The following NELL1 variants were observed in gnomAD, a reference collection of about 807,000 sequenced individuals.
The protein encoded by NELL1 is neural EGFL like 1.
Under a neutral mutation model 107.4 loss-of-function variants are expected in NELL1, and 76 were observed. That is an observed-to-expected ratio of 0.71 (90% CI 0.59 to 0.86). NELL1 has a LOEUF of 0.86. Ranked by LOEUF, NELL1 falls within the 40% of genes least tolerant of loss-of-function variation. NELL1 has a pLI of 0.00. For synonymous variants in NELL1, 353 were observed against 341.2 expected (o/e 1.03, Z -0.38); for missense variants, 1,024 against 1,005.5 (o/e 1.02, Z -0.25).
intron 14 of NELL1, chr11:21,284,267 G>A (rs1402212303): frequency 1.1e-5 from 5 of 456,962 alleles, no homozygotes; most frequent in South Asian, 7.7e-5. Flanking sequence ...GCACAAAGAT[G>A]TAGACATCCT....
intron 15 of NELL1, among the ~76,000 whole-genome samples, chr11:21,435,150 T>G (rs956569366): frequency 6.6e-6 from 1 of 152,138 alleles, no homozygotes; most frequent in African/African-American, 2.4e-5. Context: ...TTTTCCAGTT[T>G]CCATGCACTG....
intron 15 of NELL1, among the ~76,000 whole-genome samples, chr11:21,432,880 T>C (rs964181767): frequency 2.6e-5 from 4 of 152,158 alleles, no homozygotes; most frequent in Non-Finnish European, 4.4e-5. Flanking sequence ...AAATTCTGTC[T>C]TCTGGCTTTT....
chr11:21,458,378 A>G (rs1183824252), intron 15 of NELL1, among the ~76,000 whole-genome samples: 2 of 152,170 alleles, frequency 1.3e-5, no homozygotes, highest in African/African-American at 4.8e-5. Context: ...TCCACCCTGT[A>G]GATATAATCA....
intron 3 of NELL1, 150 bp from the exon 4 acceptor site, chr11:20,847,433 T>C (rs1848719661): frequency 8.3e-6 from 6 of 725,314 alleles, no homozygotes; most frequent in Non-Finnish European, 1.3e-5. Flanking sequence ...TTGGGTGTCC[T>C]ACAGTGAATT....
chr11:21,453,907 A>G (rs1057422712), intron 15 of NELL1, among the ~76,000 whole-genome samples: 2 of 146,076 alleles, frequency 1.4e-5, no homozygotes, highest in African/African-American at 5.0e-5. Flanking sequence ...TAAGAACTTG[A>G]TCATAGGTTC....
intron 12 of NELL1, among the ~76,000 whole-genome samples, chr11:21,101,170 G>A (rs533765658): frequency 2.4e-4 from 37 of 152,050 alleles, no homozygotes; most frequent in Admixed American, 3.9e-4. Flanking sequence ...ACATGAACTC[G>A]TCATTTTTTA....
chr11:20,691,266 AC>A (rs1253159098), intron 2 of NELL1, among the ~76,000 whole-genome samples: 1 of 151,496 alleles, frequency 6.6e-6, no homozygotes, highest in East Asian at 1.9e-4. Context: ...CTAATTGAAT[AC>A]CCTTTATTTC....
At chr11:21,355,661 G>C (rs1253629899) in intron 14 of NELL1, among the ~76,000 whole-genome samples, 1 of 152,194 alleles carries the variant, frequency 6.6e-6, no homozygotes, top group Non-Finnish European at 1.5e-5. Flanking sequence ...TGACCACAAG[G>C]TTAGGATTAA....
intron 15 of NELL1, among the ~76,000 whole-genome samples, chr11:21,412,476 C>T (rs2105791): frequency 0.68 from 102,701 of 151,930 alleles, 34,828 homozygotes; most frequent in Middle Eastern, 0.73. Flanking sequence ...CTGAAACTTA[C>T]AGAAACTGAA....
intron 12 of NELL1, among the ~76,000 whole-genome samples, chr11:21,038,241 G>A (rs1853143504): frequency 6.6e-6 from 1 of 152,080 alleles, no homozygotes; most frequent in African/African-American, 2.4e-5. Context: ...TGTACAAAAG[G>A]CCTGGAAGAT....
At chr11:21,455,061 GTTCT>G (rs1434428864) in intron 15 of NELL1, among the ~76,000 whole-genome samples, 2 of 152,164 alleles carry the variant, frequency 1.3e-5, no homozygotes, top group Non-Finnish European at 2.9e-5. Context: ...AACTTTCAGT[GTTCT>G]TTAAGTGTGT....
At chr11:20,911,891 GA>G (rs1385022818) in intron 5 of NELL1, among the ~76,000 whole-genome samples, 1 of 152,128 alleles carries the variant, frequency 6.6e-6, no homozygotes, top group Admixed American at 6.6e-5. Flanking sequence ...TCTCATTACA[GA>G]AATTACCTCT....
chr11:21,416,341 C>T (rs1852519461), intron 15 of NELL1, among the ~76,000 whole-genome samples: 2 of 152,148 alleles, frequency 1.3e-5, no homozygotes. Flanking sequence ...GAGGCTGCCT[C>T]CTTAATAATT....
At chr11:20,713,400 G>A (rs990542815) in intron 2 of NELL1, among the ~76,000 whole-genome samples, 35 of 152,214 alleles carry the variant, frequency 2.3e-4, no homozygotes, top group African/African-American at 7.9e-4. Context: ...ATGTTTCAGA[G>A]GGGATTATGG....
At chr11:21,479,984 T>C (rs1302305553) in intron 15 of NELL1, among the ~76,000 whole-genome samples, 2 of 152,206 alleles carry the variant, frequency 1.3e-5, no homozygotes, top group Non-Finnish European at 2.9e-5. Flanking sequence ...GACTCTGCTC[T>C]ACTTTCCTTT....
rs543846949 is a variant in NELL1 at position 20,706,177 on chromosome 11, A to C, written c.184+28117A>C. 5.3e-5 allele frequency among the ~76,000 whole-genome samples: 8 copies of C among 152,330 alleles called. No individual in the cohort carries two copies. In the South Asian group the frequency reaches 1.7e-3, roughly 32 times the overall value. The stretch of plus-strand genomic sequence containing the variant: ...CATCCCATTACTGGGTTATATACCC[A>C]AAGGACTATAAATCATGCTGCTATA... On this transcript the variant is annotated intron_variant, in intron 2 of 19. Transcript: ENST00000357134.
chr11:20,670,498 G>A (rs1853874226), intron 1 of NELL1: 1 of 152,074 alleles, frequency 6.6e-6, no homozygotes, highest in African/African-American at 2.4e-5. Context: ...GGGGAGCAAG[G>A]ATGACGCTTG....
chr11:21,541,946 C>T (rs1856302647), intron 16 of NELL1, among the ~76,000 whole-genome samples: 1 of 152,062 alleles, frequency 6.6e-6, no homozygotes, highest in Non-Finnish European at 1.5e-5. Context: ...TTGTGCCAGA[C>T]ACTGCTCTCA....
chr11:21,442,388 A>T (rs1039688993), intron 15 of NELL1, among the ~76,000 whole-genome samples: 1 of 152,044 alleles, frequency 6.6e-6, no homozygotes, highest in African/African-American at 2.4e-5. Flanking sequence ...CATCTCAACC[A>T]CTGTTAATTT....
Sources: gnomAD v4.1 joint callset for allele counts (sites outside exome capture counted in the v4.1 genomes callset) on GRCh38, gnomAD v4.1.1 for gene constraint, MANE v1.5 for transcripts, NCBI Gene and HGNC (gene_info 2026-07-23, HGNC 2026-07-21) for gene names.